The following SCP2 variants were observed in gnomAD, a reference collection of about 807,000 sequenced individuals.
The protein encoded by SCP2 is sterol carrier protein 2.
Under a neutral mutation model 71.4 loss-of-function variants are expected in SCP2, and 48 were observed. That is an observed-to-expected ratio of 0.67 (90% confidence interval 0.53 to 0.86). The LOEUF is 0.86. Ranked by LOEUF, SCP2 falls within the 40% of genes least tolerant of loss-of-function variation. The pLI, the probability that SCP2 is intolerant of heterozygous loss-of-function variation, is 0.00. For synonymous variants in SCP2, 220 were observed against 218.1 expected, an observed-to-expected ratio of 1.01 and a Z score of -0.08; for missense variants, 560 against 655.6, an observed-to-expected ratio of 0.85 and a Z score of 1.59.
chr1:53,002,366 G>A (rs1243810131), intron 11 of SCP2, among the ~76,000 whole-genome samples: 1 of 152,216 alleles, frequency 6.6e-6, no homozygotes, highest in Non-Finnish European at 1.5e-5. Flanking sequence ...GTGGCATGGA[G>A]CAAAGGGAAT....
At chr1:52,979,487 C>T (rs533973182) in intron 9 of SCP2, among the ~76,000 whole-genome samples, 2 of 152,180 alleles carry the variant, frequency 1.3e-5, no homozygotes, top group East Asian at 3.9e-4. Context: ...CCACGCCTGG[C>T]CTCACCGTTT....
chr1:52,932,189 G>A (rs1053992991), intron 1 of SCP2, among the ~76,000 whole-genome samples: 2 of 152,010 alleles, frequency 1.3e-5, no homozygotes, highest in African/African-American at 2.4e-5. Flanking sequence ...AGAATTTTCC[G>A]AACTGAATTT....
At chr1:53,015,846 A>G (rs1489091449) in intron 12 of SCP2, among the ~76,000 whole-genome samples, 2 of 152,210 alleles carry the variant, frequency 1.3e-5, no homozygotes, top group Non-Finnish European at 2.9e-5. Flanking sequence ...CACTGAGGTC[A>G]GTGTCAGGTA....
intron 12 of SCP2, among the ~76,000 whole-genome samples, chr1:53,025,067 A>G (rs78194055): frequency 0.012 from 1,749 of 152,086 alleles, 15 homozygotes; most frequent in Middle Eastern, 0.027. Context: ...TCACTCTTCA[A>G]TTCACTATAA....
intron 12 of SCP2, among the ~76,000 whole-genome samples, chr1:53,027,483 T>C (rs1337225522): frequency 6.6e-6 from 1 of 152,204 alleles, no homozygotes; most frequent in Non-Finnish European, 1.5e-5. Flanking sequence ...GATTATGTGT[T>C]GAAAAAATGA....
intron 6 of SCP2, among the ~76,000 whole-genome samples, chr1:52,970,776 T>C (rs1443356577): frequency 1.3e-5 from 2 of 152,020 alleles, no homozygotes; most frequent in Non-Finnish European, 2.9e-5. Context: ...AAGGTTTGTG[T>C]AGAAACGTGA....
chr1:52,934,436 C>A (rs1328772533), intron 1 of SCP2, among the ~76,000 whole-genome samples: 2 of 151,496 alleles, frequency 1.3e-5, no homozygotes, highest in African/African-American at 4.9e-5. Flanking sequence ...TCCAAAAAAA[C>A]CAATGGATGA....
chr1:52,939,438 C>T (rs1400479598), intron 1 of SCP2, among the ~76,000 whole-genome samples: 1 of 151,866 alleles, frequency 6.6e-6, no homozygotes, highest in Non-Finnish European at 1.5e-5. Flanking sequence ...CTCAGCTACT[C>T]AGGAGGCTGA....
intron 10 of SCP2, among the ~76,000 whole-genome samples, chr1:52,985,883 C>T (rs1025192933): frequency 1.3e-5 from 2 of 152,212 alleles, no homozygotes; most frequent in African/African-American, 4.8e-5. Flanking sequence ...ATATAAACCA[C>T]TCACCTCCAT....
intron 11 of SCP2, chr1:52,995,189 G>C: frequency 2.0e-6 from 1 of 496,018 alleles, no homozygotes. Context: ...CGAGAAGAGT[G>C]CCCTGATTGC....
chr1:53,006,145 A>G (rs1445179963), intron 11 of SCP2, among the ~76,000 whole-genome samples: 2 of 152,242 alleles, frequency 1.3e-5, no homozygotes, highest in Non-Finnish European at 2.9e-5. Flanking sequence ...GACCAAATCT[A>G]CGTCTGACTG....
chr1:52,995,791 A>G (rs749199734), intron 11 of SCP2: 2 of 832,938 alleles, frequency 2.4e-6, no homozygotes, highest in Non-Finnish European at 4.2e-6. Context: ...CGGTCACCTT[A>G]ATCGGCAGCA....
At chr1:52,928,318 C>T (rs1485193068) in intron 1 of SCP2, among the ~76,000 whole-genome samples, 2 of 152,216 alleles carry the variant, frequency 1.3e-5, no homozygotes, top group African/African-American at 2.4e-5. Flanking sequence ...CTGCTGTGCC[C>T]CTCGCCCTGA....
At chr1:52,960,390 C>T (rs576116271) in intron 5 of SCP2, among the ~76,000 whole-genome samples, 16 of 151,702 alleles carry the variant, frequency 1.1e-4, no homozygotes, top group African/African-American at 3.6e-4. Context: ...ATGCTGGTCT[C>T]GAACTCCTGG....
chr1:53,039,405 G>A (rs1413183699), intron 14 of SCP2, among the ~76,000 whole-genome samples: 1 of 152,228 alleles, frequency 6.6e-6, no homozygotes, highest in Non-Finnish European at 1.5e-5. Context: ...TGAAGATTAA[G>A]AGGATTCTTT....
intron 12 of SCP2, 50 bp downstream of exon 12, chr1:53,015,093 A>C: frequency 6.5e-7 from 1 of 1,544,728 alleles, no homozygotes; most frequent in Non-Finnish European, 9.0e-7. Context: ...CTGACTTTTC[A>C]CAGTTGATGA....
intron 11 of SCP2, among the ~76,000 whole-genome samples, chr1:53,012,418 A>T (rs1661045492): frequency 6.6e-6 from 1 of 152,252 alleles, no homozygotes; most frequent in African/African-American, 2.4e-5. Context: ...GAATGCTCCT[A>T]TGTATACATG....
chr1:52,995,168 T>C, intron 11 of SCP2: 1 of 490,828 alleles, frequency 2.0e-6, no homozygotes, highest in South Asian at 1.6e-5. Context: ...ACTCTCTTTA[T>C]CAGCAAGATC....
intron 13 of SCP2, among the ~76,000 whole-genome samples, chr1:53,032,252 A>C (rs909957725): frequency 6.6e-5 from 10 of 152,250 alleles, no homozygotes; most frequent in Non-Finnish European, 1.3e-4. Flanking sequence ...ATTTGGGATT[A>C]AAGCAACCTG....
Sources: gnomAD v4.1 joint callset for allele counts (sites outside exome capture counted in the v4.1 genomes callset) on GRCh38, gnomAD v4.1.1 for gene constraint, MANE v1.5 for transcripts, NCBI Gene and HGNC (gene_info 2026-07-23, HGNC 2026-07-21) for gene names.